The following NMNAT2 variants were observed in gnomAD, a reference collection of about 807,000 sequenced individuals.
The protein encoded by NMNAT2 is nicotinamide/nicotinic acid mononucleotide adenylyltransferase 2.
In NMNAT2, 11 loss-of-function variants were observed where a neutral mutation model predicts 41.6. The observed-to-expected ratio is 0.26, with a 90% confidence interval of 0.17 to 0.44. The LOEUF is 0.44. Ranked by LOEUF, NMNAT2 falls within the 20% of genes least tolerant of loss-of-function variation. The probability of loss-of-function intolerance (pLI) is 1.00; values close to 1 mark genes in which losing one functional copy is unlikely to be tolerated. For synonymous variants in NMNAT2, 148 were observed against 151.2 expected (o/e 0.98, Z 0.16); for missense variants, 288 against 407.7 (o/e 0.71, Z 2.53).
chr1:183,414,473 T>C (rs934052224), intron 1 of NMNAT2, among the ~76,000 whole-genome samples: 1 of 152,204 alleles, frequency 6.6e-6, no homozygotes, highest in African/African-American at 2.4e-5. Context: ...TAAATTATAA[T>C]CTCTACATAG....
intron 4 of NMNAT2, among the ~76,000 whole-genome samples, chr1:183,289,606 C>G (rs1241566573): frequency 3.3e-5 from 5 of 152,196 alleles, no homozygotes; most frequent in Non-Finnish European, 4.4e-5. Context: ...GCCTGTGGGG[C>G]TCTTGTGAGG....
chr1:183,296,974 T>C (rs930307739), intron 1 of NMNAT2, among the ~76,000 whole-genome samples: 6 of 151,902 alleles, frequency 3.9e-5, no homozygotes, highest in African/African-American at 7.3e-5. Context: ...CTCTTCGGGG[T>C]CATTTCTATC....
chr1:183,270,840 A>AT (rs977769572), intron 8 of NMNAT2, among the ~76,000 whole-genome samples: 147 of 152,320 alleles, frequency 9.7e-4, no homozygotes, highest in African/African-American at 3.2e-3. Flanking sequence ...GGACTGTCTG[A>AT]TAAAAACCAT....
chr1:183,361,418 TTTC>T (rs1399266136), intron 1 of NMNAT2, among the ~76,000 whole-genome samples: 1 of 152,182 alleles, frequency 6.6e-6, no homozygotes, highest in African/African-American at 2.4e-5. Flanking sequence ...TTTGGGCAGT[TTTC>T]TTCACTTCTA....
chr1:183,306,080 C>T (rs1231885077), intron 1 of NMNAT2, among the ~76,000 whole-genome samples: 1 of 152,114 alleles, frequency 6.6e-6, no homozygotes, highest in Non-Finnish European at 1.5e-5. Context: ...GTAAGAATAT[C>T]TTCATGGAAC....
intron 1 of NMNAT2, among the ~76,000 whole-genome samples, chr1:183,296,402 G>A (rs977197449): frequency 2.6e-5 from 4 of 152,274 alleles, no homozygotes; most frequent in African/African-American, 7.2e-5. Context: ...CAAAGTGGTT[G>A]TGCCATTTTA....
chr1:183,416,444 A>G (rs765474235), intron 1 of NMNAT2, among the ~76,000 whole-genome samples: 1 of 152,212 alleles, frequency 6.6e-6, no homozygotes, highest in Non-Finnish European at 1.5e-5. Context: ...ATATGGACAG[A>G]CAGGAAAAGA....
rs187561358 is a variant in NMNAT2 at position 183,369,866 on chromosome 1, C to T, written c.85+48317G>A. On this transcript the variant is annotated intron_variant, in intron 1 of 10. Transcript: ENST00000287713. ...TCATCTATTCTAGGAATGAGAATGG[C>T]ACTCTTCTTATTATCCCCATTGCAA... 3.9e-4 allele frequency among the ~76,000 whole-genome samples: 60 copies of T among 152,172 alleles called. 2 individuals are homozygous for T. The East Asian group carries it at 0.011, about 27-fold the overall frequency.
At chr1:183,272,110 T>C (rs150372808) in intron 8 of NMNAT2, among the ~76,000 whole-genome samples, 86 of 152,180 alleles carry the variant, frequency 5.7e-4, no homozygotes, top group African/African-American at 2.1e-3. Context: ...GCTGGCAGCA[T>C]CGGATCCCTA....
intron 8 of NMNAT2, among the ~76,000 whole-genome samples, chr1:183,277,986 G>A (rs1558114184): frequency 6.6e-6 from 1 of 152,184 alleles, no homozygotes; most frequent in Non-Finnish European, 1.5e-5. Context: ...AGTAATTTAA[G>A]GGTGAGCTGG....
chr1:183,396,167 CTA>C (rs1403733035), intron 1 of NMNAT2, among the ~76,000 whole-genome samples: 1 of 152,106 alleles, frequency 6.6e-6, no homozygotes, highest in Non-Finnish European at 1.5e-5. Flanking sequence ...CCAGAGGAGG[CTA>C]TCTTCTGTCT....
intron 4 of NMNAT2, 92 bp downstream of exon 4, chr1:183,290,036 C>T: frequency 9.8e-7 from 1 of 1,016,380 alleles, no homozygotes; most frequent in Non-Finnish European, 1.5e-6. Flanking sequence ...CCAGCAGCAC[C>T]CTCTCCTCTC....
At chr1:183,289,806 G>A (rs533139897) in intron 4 of NMNAT2, among the ~76,000 whole-genome samples, 55 of 152,230 alleles carry the variant, frequency 3.6e-4, no homozygotes, top group African/African-American at 1.3e-3. Flanking sequence ...CTATCACTGT[G>A]GTCTCCTTAA....
At chr1:183,324,028 G>A (rs775090392) in intron 1 of NMNAT2, among the ~76,000 whole-genome samples, 4 of 152,194 alleles carry the variant, frequency 2.6e-5, no homozygotes, top group Non-Finnish European at 5.9e-5. Context: ...CCATAAAGTG[G>A]GCAAGGGGAC....
intron 1 of NMNAT2, among the ~76,000 whole-genome samples, chr1:183,340,835 G>A (rs1263552120): frequency 6.6e-6 from 1 of 152,220 alleles, no homozygotes; most frequent in Non-Finnish European, 1.5e-5. Context: ...GAGAGCAAAA[G>A]GATTGTGACC....
intron 8 of NMNAT2, among the ~76,000 whole-genome samples, chr1:183,265,741 C>G (rs1414934387): frequency 6.6e-6 from 1 of 152,188 alleles, no homozygotes; most frequent in Non-Finnish European, 1.5e-5. Flanking sequence ...TGGTCCAAGC[C>G]TCTTCTGTTA....
intron 1 of NMNAT2, among the ~76,000 whole-genome samples, chr1:183,331,994 G>A (rs1662597038): frequency 6.6e-6 from 1 of 152,126 alleles, no homozygotes; most frequent in Non-Finnish European, 1.5e-5. Flanking sequence ...TGTTGGCCAG[G>A]CTGGCCTCGA....
chr1:183,339,929 A>G (rs1376438051), intron 1 of NMNAT2, among the ~76,000 whole-genome samples: 1 of 151,858 alleles, frequency 6.6e-6, no homozygotes, highest in Non-Finnish European at 1.5e-5. Flanking sequence ...GGCCATTGCT[A>G]TCACTAACAA....
intron 10 of NMNAT2, among the ~76,000 whole-genome samples, chr1:183,258,886 C>A (rs1164096422): frequency 6.6e-6 from 1 of 152,158 alleles, no homozygotes; most frequent in Non-Finnish European, 1.5e-5. Flanking sequence ...GCTTCCCCAA[C>A]CCATGAAGTT....
Sources: gnomAD v4.1 joint callset for allele counts (sites outside exome capture counted in the v4.1 genomes callset) on GRCh38, gnomAD v4.1.1 for gene constraint, MANE v1.5 for transcripts, NCBI Gene and HGNC (gene_info 2026-07-23, HGNC 2026-07-21) for gene names.